Variants in SLC10A7 observed in about 807,000 individuals in gnomAD.
SLC10A7 encodes solute carrier family 10 member 7, also known as sodium/bile acid cotransporter 7.
SLC10A7 carries 29 observed loss-of-function variants against 43.2 expected under a neutral mutation model. That is an observed-to-expected ratio of 0.67 (90% confidence interval 0.50 to 0.92). The LOEUF is 0.92. Ranked by LOEUF, SLC10A7 falls within the 40% of genes least tolerant of loss-of-function variation. SLC10A7 has a pLI of 0.00. For missense variants in SLC10A7, 295 were observed against 403.2 expected, an observed-to-expected ratio of 0.73 and a Z score of 2.30; for synonymous variants, 152 against 144.8, an observed-to-expected ratio of 1.05 and a Z score of -0.35.
rs1185957334 is a variant in SLC10A7 at position 146,350,995 on chromosome 4, G to A, written c.436-24999C>T. ...AGCGCCTCTCCTCCTTCAAAGGAAC[G>A]CAGTTCCTCACCAGCAACGGAACAA... On this transcript the variant is annotated intron_variant, in intron 5 of 11. Transcript: ENST00000335472. Among the ~76,000 whole-genome samples the A allele has an allele frequency of 4.0e-5, 6 of 150,596 alleles. No individual in the cohort carries two copies. In the East Asian group the frequency reaches 9.7e-4, roughly 24 times the overall value.
intron 7 of SLC10A7, among the ~76,000 whole-genome samples, chr4:146,299,273 T>C (rs1730994358): frequency 6.6e-6 from 1 of 152,226 alleles, no homozygotes; most frequent in African/African-American, 2.4e-5. Flanking sequence ...AGCACATATG[T>C]GTACGGCTAA....
chr4:146,444,689 T>G (rs935519028), intron 4 of SLC10A7, among the ~76,000 whole-genome samples: 1 of 152,180 alleles, frequency 6.6e-6, no homozygotes. Flanking sequence ...CCAAAGACGA[T>G]GCTGCAGGCC....
chr4:146,345,579 T>C (rs1021490697), intron 5 of SLC10A7, among the ~76,000 whole-genome samples: 20 of 152,142 alleles, frequency 1.3e-4, no homozygotes, highest in Non-Finnish European at 1.9e-4. Context: ...AGGAAGTCTT[T>C]CTGCCATTAT....
chr4:146,433,796 G>A (rs1729978517), intron 5 of SLC10A7, among the ~76,000 whole-genome samples: 1 of 152,098 alleles, frequency 6.6e-6, no homozygotes, highest in Admixed American at 6.6e-5. Context: ...AGGCTGCAGT[G>A]AGCTATGATC....
At chr4:146,449,635 G>A (rs576976673) in intron 4 of SLC10A7, among the ~76,000 whole-genome samples, 1 of 151,822 alleles carries the variant, frequency 6.6e-6, no homozygotes, top group Non-Finnish European at 1.5e-5. Flanking sequence ...AAGTAGAAAA[G>A]GTGAGAAGCT....
At chr4:146,395,564 T>C (rs183491892) in intron 5 of SLC10A7, among the ~76,000 whole-genome samples, 4 of 152,330 alleles carry the variant, frequency 2.6e-5, no homozygotes, top group Admixed American at 2.0e-4. Flanking sequence ...ACCTAATAGA[T>C]AGAACAATTT....
intron 5 of SLC10A7, among the ~76,000 whole-genome samples, chr4:146,350,616 A>C (rs1735005480): frequency 7.5e-6 from 1 of 133,370 alleles, no homozygotes; most frequent in Admixed American, 7.3e-5. Context: ...TAACCTCTGC[A>C]GACTTAAGTG....
intron 4 of SLC10A7, among the ~76,000 whole-genome samples, chr4:146,482,531 T>C (rs1429511755): frequency 6.6e-6 from 1 of 150,538 alleles, no homozygotes; most frequent in Non-Finnish European, 1.5e-5. Flanking sequence ...AGAAATAACC[T>C]GTGAAGTTGA....
intron 3 of SLC10A7, among the ~76,000 whole-genome samples, chr4:146,506,040 C>T (rs1294521556): frequency 2.6e-5 from 4 of 152,146 alleles, no homozygotes. Flanking sequence ...CTTCTGTCTC[C>T]CCTACCCCCA....
intron 11 of SLC10A7, 149 bp downstream of exon 11, chr4:146,258,543 A>C: frequency 1.5e-6 from 1 of 655,618 alleles, no homozygotes; most frequent in Non-Finnish European, 2.4e-6. Context: ...GGAATGGATC[A>C]GTGCACCATT....
At chr4:146,402,771 C>T (rs1739312140) in intron 5 of SLC10A7, among the ~76,000 whole-genome samples, 1 of 152,170 alleles carries the variant, frequency 6.6e-6, no homozygotes, top group South Asian at 2.1e-4. Context: ...GCCTCTATTA[C>T]TGCTTTAGAG....
At chr4:146,355,585 C>T (rs1226137583) in intron 5 of SLC10A7, among the ~76,000 whole-genome samples, 2 of 151,808 alleles carry the variant, frequency 1.3e-5, no homozygotes, top group East Asian at 1.9e-4. Flanking sequence ...AAGACACATG[C>T]ACACGTATGT....
At chr4:146,429,054 T>C (rs1729584392) in intron 5 of SLC10A7, among the ~76,000 whole-genome samples, 1 of 152,180 alleles carries the variant, frequency 6.6e-6, no homozygotes, top group African/African-American at 2.4e-5. Context: ...TATAAATTAC[T>C]AAATATCAAA....
At chr4:146,318,805 G>A (rs1313290660) in intron 6 of SLC10A7, among the ~76,000 whole-genome samples, 3 of 72,122 alleles carry the variant, frequency 4.2e-5, no homozygotes, top group African/African-American at 1.5e-4. Context: ...CTTAGTAAAT[G>A]GCAACTCTAC....
intron 5 of SLC10A7, among the ~76,000 whole-genome samples, chr4:146,377,220 C>A (rs946466785): frequency 5.3e-5 from 8 of 152,028 alleles, no homozygotes; most frequent in African/African-American, 9.7e-5. Flanking sequence ...GAAGAGGAAC[C>A]TTTACTTTAC....
intron 6 of SLC10A7, 99 bp downstream of exon 6, chr4:146,325,862 C>T (rs1442073662): frequency 5.5e-6 from 6 of 1,089,764 alleles, no homozygotes; most frequent in Non-Finnish European, 8.2e-6. Flanking sequence ...AAATATGGTG[C>T]AAAATAATTC....
At chr4:146,292,661 T>C (rs1730517999) in intron 9 of SLC10A7, among the ~76,000 whole-genome samples, 1 of 152,062 alleles carries the variant, frequency 6.6e-6, no homozygotes, top group African/African-American at 2.4e-5. Context: ...CTGAAAATCA[T>C]CAGTATGAAG....
At chr4:146,346,688 C>T (rs922492836) in intron 5 of SLC10A7, among the ~76,000 whole-genome samples, 2 of 151,994 alleles carry the variant, frequency 1.3e-5, no homozygotes, top group Non-Finnish European at 2.9e-5. Flanking sequence ...AAATGTGTAA[C>T]ATAATTGTAA....
chr4:146,399,694 G>C (rs1739088823), intron 5 of SLC10A7, among the ~76,000 whole-genome samples: 1 of 152,150 alleles, frequency 6.6e-6, no homozygotes, highest in Admixed American at 6.5e-5. Flanking sequence ...AATGGAAAGA[G>C]AGAAATCAAG....
Sources: gnomAD v4.1 joint callset for allele counts (sites outside exome capture counted in the v4.1 genomes callset) on GRCh38, gnomAD v4.1.1 for gene constraint, MANE v1.5 for transcripts, NCBI Gene and HGNC (gene_info 2026-07-23, HGNC 2026-07-21) for gene names.